UHRF2: variants seen among roughly 807,000 people sequenced by gnomAD.
UHRF2 encodes the protein ubiquitin like with PHD and ring finger domains 2, also known as E3 ubiquitin-protein ligase UHRF2.
UHRF2 carries 23 observed loss-of-function variants against 96.8 expected under a neutral mutation model. The ratio of observed to expected loss-of-function variants is 0.24; its 90% CI spans 0.17 to 0.34. The LOEUF (loss-of-function observed/expected upper bound fraction) is 0.34. Ranked by LOEUF, UHRF2 falls within the 10% of genes least tolerant of loss-of-function variation. The pLI, the probability that UHRF2 is intolerant of heterozygous loss-of-function variation, is 1.00. For missense variants in UHRF2, 685 were observed against 981.5 expected (o/e 0.70, Z 4.04); for synonymous variants, 385 against 332.6 (o/e 1.16, Z -1.72).
chr9:6,424,001 G>C (rs1351801611), intron 2 of UHRF2, among the ~76,000 whole-genome samples: 1 of 16,776 alleles, frequency 6.0e-5, no homozygotes, highest in African/African-American at 2.5e-4. Context: ...GACAGAATAG[G>C]TTAATATTTT....
intron 8 of UHRF2, among the ~76,000 whole-genome samples, chr9:6,484,068 T>A (rs1044194329): frequency 1.3e-5 from 2 of 151,118 alleles, no homozygotes; most frequent in African/African-American, 4.9e-5. Flanking sequence ...CTTATTTCTT[T>A]CTTTCTTTTT....
intron 2 of UHRF2, chr9:6,422,690 G>T: frequency 1.7e-6 from 1 of 597,268 alleles, no homozygotes. Context: ...GCTCGCTGTA[G>T]CCTTGACCTG....
intron 3 of UHRF2, among the ~76,000 whole-genome samples, chr9:6,454,098 T>C (rs781178513): frequency 6.6e-6 from 1 of 152,186 alleles, no homozygotes; most frequent in East Asian, 1.9e-4. Flanking sequence ...AACCACCATA[T>C]GAGATACAGT....
At chr9:6,487,182 CTTT>C (rs1171978950) in intron 9 of UHRF2, among the ~76,000 whole-genome samples, 7 of 69,574 alleles carry the variant, frequency 1.0e-4, no homozygotes, top group Admixed American at 4.7e-4. Context: ...TTTTTTTTTC[CTTT>C]TTTTTTTTTT....
intron 3 of UHRF2, among the ~76,000 whole-genome samples, chr9:6,455,066 A>G (rs1822097270): frequency 6.6e-6 from 1 of 152,234 alleles, no homozygotes; most frequent in Admixed American, 6.5e-5. Context: ...TTTAAGAGTA[A>G]GAACCAGATG....
chr9:6,451,512 TGTCGCCCAGGTTGGA>T (rs1821862328), intron 3 of UHRF2, among the ~76,000 whole-genome samples: 1 of 151,978 alleles, frequency 6.6e-6, no homozygotes, highest in Non-Finnish European at 1.5e-5. Context: ...GGAGTCTCGC[TGTCGCCCAGGTTGGA>T]GTGCAGTGGC....
chr9:6,487,251 G>A (rs1824356187), intron 9 of UHRF2, among the ~76,000 whole-genome samples: 2 of 132,886 alleles, frequency 1.5e-5, no homozygotes, highest in Admixed American at 1.7e-4. Context: ...GTGCAGTGGT[G>A]TGATCTCAGC....
In UHRF2 at chr9:6,436,878, T is replaced by C. The variant is rs553526013; in HGVS notation, c.644+2705T>C. ...TAATTTTACGTGATGGAATTAAATG[T>C]TTCAATGCTGGCAACTTAAAGATAC... On this transcript the variant is annotated intron_variant, in intron 3 of 15. Coordinates refer to ENST00000276893, the MANE Select transcript of UHRF2 (RefSeq NM_152896.3). Among the ~76,000 whole-genome samples, 8 of 152,320 alleles carry C rather than the reference T, an allele frequency of 5.3e-5. No homozygotes were observed. In the South Asian group the frequency reaches 1.7e-3, roughly 32 times the overall value.
At chr9:6,422,212 A>G (rs1819968682) in intron 2 of UHRF2, among the ~76,000 whole-genome samples, 1 of 152,098 alleles carries the variant, frequency 6.6e-6, no homozygotes, top group Non-Finnish European at 1.5e-5. Flanking sequence ...CCTCCTAAGT[A>G]GTGGGATTAC....
At chr9:6,461,355 C>T (rs1368548870) in intron 4 of UHRF2, among the ~76,000 whole-genome samples, 7 of 94,272 alleles carry the variant, frequency 7.4e-5, no homozygotes. Flanking sequence ...CTCTCTCTCC[C>T]CCCCCTCCTC....
chr9:6,484,912 G>C (rs1258861935), intron 8 of UHRF2, among the ~76,000 whole-genome samples: 5 of 147,358 alleles, frequency 3.4e-5, no homozygotes, highest in Admixed American at 1.4e-4. Context: ...TCCTGCCTCA[G>C]CCTCCCAAGT....
intron 3 of UHRF2, among the ~76,000 whole-genome samples, chr9:6,456,593 A>G (rs189365776): frequency 1.4e-4 from 21 of 152,284 alleles, no homozygotes; most frequent in African/African-American, 4.1e-4. Flanking sequence ...TGTTTTGGAC[A>G]TGGAGTCTTT....
At chr9:6,429,617 C>T (rs1457971851) in intron 2 of UHRF2, among the ~76,000 whole-genome samples, 3 of 152,206 alleles carry the variant, frequency 2.0e-5, no homozygotes. Flanking sequence ...AGGCATGAGC[C>T]ACTGCACCCG....
At chr9:6,480,841 C>G (rs998155491) in intron 6 of UHRF2, among the ~76,000 whole-genome samples, 2 of 152,182 alleles carry the variant, frequency 1.3e-5, no homozygotes, top group African/African-American at 4.8e-5. Context: ...TCCTATAGTG[C>G]TCAACAAAGT....
intron 3 of UHRF2, among the ~76,000 whole-genome samples, chr9:6,450,912 T>C (rs916888743): frequency 1.5e-4 from 23 of 151,838 alleles, no homozygotes; most frequent in African/African-American, 5.6e-4. Context: ...TGCTTACTGA[T>C]ATGTGTTTGG....
chr9:6,479,685 C>G (rs1315121330), intron 6 of UHRF2, among the ~76,000 whole-genome samples: 5 of 152,146 alleles, frequency 3.3e-5, no homozygotes, highest in African/African-American at 1.2e-4. Context: ...TTCTTGATTT[C>G]CACAAACTCC....
intron 3 of UHRF2, among the ~76,000 whole-genome samples, chr9:6,448,356 T>G (rs1821646326): frequency 6.6e-6 from 1 of 152,254 alleles, no homozygotes; most frequent in Non-Finnish European, 1.5e-5. Flanking sequence ...TACTATTTAG[T>G]TAACATGTAA....
At chr9:6,470,453 C>G (rs1823174875) in intron 4 of UHRF2, among the ~76,000 whole-genome samples, 1 of 151,412 alleles carries the variant, frequency 6.6e-6, no homozygotes, top group South Asian at 2.1e-4. Context: ...TCAAATAAAA[C>G]CTGAAAGAAT....
intron 4 of UHRF2, among the ~76,000 whole-genome samples, chr9:6,462,372 G>C (rs995719478): frequency 6.6e-6 from 1 of 151,448 alleles, no homozygotes; most frequent in African/African-American, 2.4e-5. Flanking sequence ...TAACATTTTA[G>C]AGAACAGATT....
Sources: gnomAD v4.1 joint callset for allele counts (sites outside exome capture counted in the v4.1 genomes callset) on GRCh38, gnomAD v4.1.1 for gene constraint, MANE v1.5 for transcripts, NCBI Gene and HGNC (gene_info 2026-07-23, HGNC 2026-07-21) for gene names.